NUP155: variants seen among roughly 807,000 people sequenced by gnomAD.
The protein encoded by NUP155 is nucleoporin 155, also known as nuclear pore complex protein Nup155.
In NUP155, 71 loss-of-function variants were observed where a neutral mutation model predicts 180.4. The observed-to-expected ratio is 0.39, with a 90% CI of 0.33 to 0.48. The LOEUF (loss-of-function observed/expected upper bound fraction) is 0.48, where lower values mean the gene tolerates loss of function less well. Among genes scored for constraint, NUP155 ranks in the 20% least tolerant of loss-of-function variants. The pLI is 0.91. For synonymous variants in NUP155, 582 were observed against 559.5 expected, an observed-to-expected ratio of 1.04 and a Z score of -0.57; for missense variants, 1,553 against 1,648.9, an observed-to-expected ratio of 0.94 and a Z score of 1.01.
At chr5:37,313,430 A>C (rs1235981631) in intron 22 of NUP155, among the ~76,000 whole-genome samples, 1 of 150,650 alleles carries the variant, frequency 6.6e-6, no homozygotes, top group African/African-American at 2.4e-5. Context: ...CATCTCTTAA[A>C]AAAAAAAAAA....
intron 33 of NUP155, among the ~76,000 whole-genome samples, chr5:37,293,771 G>A (rs971235437): frequency 8.3e-6 from 1 of 120,338 alleles, no homozygotes; most frequent in Non-Finnish European, 1.5e-5. Flanking sequence ...AGGCCGAGGC[G>A]GGTGGATCAT....
At chr5:37,350,135 G>A in intron 7 of NUP155, 25 bp downstream of exon 7, 1 of 1,527,048 alleles carries the variant, frequency 6.5e-7, no homozygotes, top group African/African-American at 1.4e-5. Context: ...AGTTGTACTT[G>A]CCAAATTTAT....
chr5:37,365,752 T>TATATACAC (rs1403169370), intron 1 of NUP155, among the ~76,000 whole-genome samples: 455 of 37,884 alleles, frequency 0.012, 19 homozygotes, highest in Non-Finnish European at 0.015. Context: ...TATATATATA[T>TATATACAC]ACACACACAC....
intron 23 of NUP155, 103 bp from the exon 24 acceptor site, chr5:37,309,370 T>A: frequency 3.2e-6 from 3 of 952,150 alleles, no homozygotes; most frequent in Non-Finnish European, 3.1e-6. Flanking sequence ...ATATGGTTAT[T>A]ACCATTAAAA....
intron 13 of NUP155, 100 bp downstream of exon 13, chr5:37,333,363 A>T (rs1041882529): frequency 8.9e-7 from 1 of 1,118,806 alleles, no homozygotes; most frequent in African/African-American, 1.5e-5. Context: ...CAAAAAAAAA[A>T]GAAAGAAAAT....
At chr5:37,364,125 C>T (rs975796821) in intron 2 of NUP155, 122 bp downstream of exon 2, 43 of 1,121,844 alleles carry the variant, frequency 3.8e-5, no homozygotes, top group African/African-American at 2.6e-4. Flanking sequence ...TATACTTAAA[C>T]GAATTTTAAA....
intron 20 of NUP155, among the ~76,000 whole-genome samples, chr5:37,321,423 A>C (rs760310479): frequency 2.6e-5 from 4 of 151,880 alleles, no homozygotes; most frequent in Non-Finnish European, 4.4e-5. Flanking sequence ...TCTCCTGCTT[A>C]AAAGATAAAG....
chr5:37,356,641 G>GA (rs1746848426), intron 4 of NUP155, among the ~76,000 whole-genome samples: 1 of 148,834 alleles, frequency 6.7e-6, no homozygotes, highest in Non-Finnish European at 1.5e-5. Context: ...CTCTGTAACA[G>GA]AAAAAAAAAG....
intron 24 of NUP155, among the ~76,000 whole-genome samples, chr5:37,308,099 T>A (rs990026986): frequency 2.6e-5 from 4 of 152,068 alleles, no homozygotes; most frequent in Non-Finnish European, 5.9e-5. Flanking sequence ...CTTTACATTA[T>A]GTTAGATTTG....
At chr5:37,294,612 T>C (rs187438676) in intron 32 of NUP155, 147 bp from the exon 33 acceptor site, 4 of 717,266 alleles carry the variant, frequency 5.6e-6, no homozygotes, top group African/African-American at 1.8e-5. Context: ...TTTTGCTATG[T>C]TGCCCAGACT....
intron 25 of NUP155, among the ~76,000 whole-genome samples, chr5:37,306,128 C>T (rs1743140230): frequency 6.6e-6 from 1 of 152,032 alleles, no homozygotes; most frequent in Non-Finnish European, 1.5e-5. Context: ...TGGTGGCTGA[C>T]ACCTCTAATC....
At position 37,370,938 on chromosome 5, in the gene NUP155, T is replaced by C. The variant is rs373410066; in HGVS notation, c.40A>G (p.Thr14Ala). 23 of 1,613,988 alleles carry C rather than the reference T, an allele frequency of 1.4e-5. No individual in the cohort carries two copies. Among genetic ancestry groups the C allele is most frequent in the Middle Eastern group, 1.6e-4 (1 of 6,074 alleles). ...GCTTCCTGCAGGGCTGCGGCAGATG[T>C]AGAGGCCGGCATCGCCGCGCCCAAC... ...SLLGAAMPAS[T>A]SAAALQEALE... The change falls in exon 1 of 35, where the codon ACA becomes GCA. Residue 14 changes from threonine to alanine, a missense_variant. Physicochemically the swap from Thr to Ala is moderately conservative, Grantham distance 58 (BLOSUM62 0). Coordinates refer to ENST00000231498, the MANE Select transcript of NUP155 (RefSeq NM_153485.3).
At chr5:37,302,677 A>G (rs1742927102) in intron 29 of NUP155, 102 bp downstream of exon 29, 2 of 1,156,592 alleles carry the variant, frequency 1.7e-6, no homozygotes, top group Non-Finnish European at 2.6e-6. Context: ...TAGAATAATA[A>G]TGACTTCTCA....
intron 9 of NUP155, among the ~76,000 whole-genome samples, chr5:37,343,301 C>T (rs1216749053): frequency 6.6e-6 from 1 of 152,134 alleles, no homozygotes; most frequent in East Asian, 1.9e-4. Context: ...GTCTCGATCT[C>T]CTGACCTCAT....
chr5:37,366,841 G>A (rs539668439), intron 1 of NUP155, among the ~76,000 whole-genome samples: 46 of 151,874 alleles, frequency 3.0e-4, no homozygotes, highest in African/African-American at 9.7e-4. Context: ...TAGTAGAGAC[G>A]GGGTGTCACC....
intron 13 of NUP155, 79 bp from the exon 14 acceptor site, chr5:37,331,874 A>C: frequency 1.1e-6 from 1 of 872,242 alleles, no homozygotes; most frequent in Non-Finnish European, 1.9e-6. Context: ...CTTATTTGAT[A>C]AAATAAATGA....
Position 37,324,038 on chromosome 5 carries a change from G to C in NUP155, c.2161C>G (p.Leu721Val), listed in dbSNP as rs1744423084. 1.2e-6 allele frequency: 2 copies of C among 1,613,738 alleles called. No homozygotes were observed. Among genetic ancestry groups the C allele is most frequent in the Non-Finnish European group, 1.7e-6 (2 of 1,179,832 alleles). Residue 721 changes from leucine (L) to valine (V), a missense_variant, in exon 20 of 35, where the codon CTA becomes GTA. Coordinates refer to ENST00000231498, the MANE Select transcript of NUP155 (RefSeq NM_153485.3). Reference protein sequence around the residue: ...LQELKGLQEFLDRNSQFAGGP... With the variant: ...LQELKGLQEFVDRNSQFAGGP... ...CCTGCAAACTGGGAGTTTCTGTCTA[G>C]AAATTCCTGCAAACCCTTTAGTTCT...
At chr5:37,310,453 A>C in intron 23 of NUP155, 99 bp downstream of exon 23, 1 of 925,164 alleles carries the variant, frequency 1.1e-6, no homozygotes, top group Non-Finnish European at 1.7e-6. Flanking sequence ...AGGTTAAGAG[A>C]TCTAACTGAC....
chr5:37,358,062 T>A lies in NUP155; in HGVS notation c.463+19A>T. ...TACATATACAAACATAATCTCTTCC[T>A]TATAGTTTTATTTCTTACCTGCTTT... On this transcript the variant is annotated intron_variant, in intron 4 of 34. Transcript: ENST00000231498. The A allele has an allele frequency of 6.4e-7, 1 of 1,551,018 alleles. No individual in the cohort carries two copies. Among genetic ancestry groups the A allele is most frequent in the South Asian group, 1.1e-5 (1 of 89,834 alleles).
Sources: gnomAD v4.1 joint callset for allele counts (sites outside exome capture counted in the v4.1 genomes callset) on GRCh38, gnomAD v4.1.1 for gene constraint, MANE v1.5 for transcripts, NCBI Gene and HGNC (gene_info 2026-07-23, HGNC 2026-07-21) for gene names.